Variants in MORC2 observed in about 807,000 individuals in gnomAD.
MORC2 encodes the protein ATPase MORC2.
A neutral mutation model predicts 136.0 loss-of-function variants in MORC2; 30 were observed. That is an observed-to-expected ratio of 0.22 (90% CI 0.17 to 0.30). MORC2 has a LOEUF of 0.30. Ranked by LOEUF, MORC2 falls within the 10% of genes least tolerant of loss-of-function variation. The pLI is 1.00. For synonymous variants in MORC2, 439 were observed against 487.0 expected (o/e 0.90, Z 1.30); for missense variants, 922 against 1,333.1 (o/e 0.69, Z 4.80).
Position 30,934,168 on chromosome 22 carries a change from A to G in MORC2, c.2217T>C (p.Ser739=). 1 of 1,613,668 alleles carries G rather than the reference A, an allele frequency of 6.2e-7. No individual in the cohort carries two copies. Among genetic ancestry groups the G allele is most frequent in the South Asian group, 1.1e-5 (1 of 91,046 alleles). ...CTTCTTCCTCATCAGAAACTGCGACACTCCGCTTCCGACTAGGGGTAGCCT... is the reference window on the plus strand; with the variant it reads ...CTTCTTCCTCATCAGAAACTGCGACGCTCCGCTTCCGACTAGGGGTAGCCT... The part of the protein sequence containing the change: ...LSPATPSRKR[S]VAVSDEEEVE... The change falls in exon 20 of 26, where the codon AGT becomes AGC. Residue 739 remains serine, a synonymous_variant. Coordinates refer to ENST00000397641, the MANE Select transcript of MORC2 (RefSeq NM_001303256.3). The surrounding 1 kb of genome is among the most constrained non-coding windows in gnomAD (Gnocchi z 4.4).
chr22:30,961,038 T>A (rs13056811), intron 1 of MORC2, among the ~76,000 whole-genome samples: 113 of 151,694 alleles, frequency 7.4e-4, no homozygotes, highest in African/African-American at 2.3e-3. Context: ...GCTAATTTTT[T>A]AAAATATTTT....
At position 30,942,116 on chromosome 22, in the gene MORC2, G is replaced by A; in HGVS notation, c.582C>T (p.Asp194=). Residue 194 remains aspartate, a synonymous_variant, in exon 7 of 26, where the codon GAC becomes GAT. Transcript: ENST00000397641. ...ACAGGCTCAAAGCCTACTTACCGCT[G>A]TCCCCAGGAATCTTCATAAACTGGG... The part of the protein sequence containing the change: ...VMTQFMKIPG[D]SGTLVIIFNL... 1 of 1,613,316 alleles carries A rather than the reference G, an allele frequency of 6.2e-7. No homozygotes were observed. Among genetic ancestry groups the A allele is most frequent in the South Asian group, 1.1e-5 (1 of 91,068 alleles).
At chr22:30,963,984 G>A (rs1336568528) in intron 1 of MORC2, among the ~76,000 whole-genome samples, 1 of 152,164 alleles carries the variant, frequency 6.6e-6, no homozygotes, top group Non-Finnish European at 1.5e-5. Context: ...ATATGAGCCT[G>A]CTCAACAGCC....
At position 30,934,876 on chromosome 22, in the gene MORC2, G is replaced by C; in HGVS notation, c.2098C>G (p.Leu700Val). 1 of 1,614,212 alleles carries C rather than the reference G, an allele frequency of 6.2e-7. No individual in the cohort carries two copies. Among genetic ancestry groups the C allele is most frequent in the South Asian group, 1.1e-5 (1 of 91,086 alleles). ...PLVQQLSPSL[L>V]PNSKSPREVP... ...TCCCGAGGGCTCTTGGAGTTGGGCAGTAAAGATGGTGACAGTTGCTGCACC... is the reference window on the plus strand; with the variant it reads ...TCCCGAGGGCTCTTGGAGTTGGGCACTAAAGATGGTGACAGTTGCTGCACC... Residue 700 changes from leucine (L) to valine (V), a missense_variant, in exon 19 of 26, where the codon CTG becomes GTG. Physicochemically the swap from Leu to Val is conservative, Grantham distance 32 (BLOSUM62 1). This residue lies in a region of MORC2 where 184 missense variants were observed against 180.3 expected (regional missense o/e 1.02). Transcript: ENST00000397641. The surrounding 1 kb of genome is among the most constrained non-coding windows in gnomAD (Gnocchi z 4.4).
intron 2 of MORC2, 113 bp downstream of exon 2, chr22:30,958,528 A>G (rs2040998186): frequency 5.7e-6 from 4 of 707,854 alleles, no homozygotes; most frequent in Non-Finnish European, 9.0e-6. Context: ...GGAGTTACAG[A>G]ATGTCTACAT....
rs1602483886 is a variant in MORC2 at position 30,936,656 on chromosome 22, G to C, written c.1605-13C>G. The C allele has an allele frequency of 6.2e-7, 1 of 1,612,386 alleles. No homozygotes were observed. ...AGAAGCCTCACACCTGTAGAGACAA[G>C]GTACTACAGAGGTCGTGGCAAACAG... On this transcript the variant is annotated splice_polypyrimidine_tract_variant and intron_variant, in intron 16 of 25. Transcript: ENST00000397641.
chr22:30,950,419 A>C lies in MORC2; in HGVS notation c.184T>G (p.Phe62Val). Residue 62 changes from phenylalanine to valine, a missense_variant, in exon 4 of 26, where the codon TTT (phenylalanine) becomes GTT (valine). Phe to Val is a conservative substitution (Grantham distance 50). Around this residue, in one of 9 missense-constraint regions of MORC2, gnomAD observed 57 missense variants for 71.8 expected, o/e 0.79. Transcript: ENST00000397641. ...AERREDLRGG[F>V]MLCFLDDGAG... ...CCATCATCCAAAAAGCAAAGCATAA[A>C]TCCTCCTCGAAGGTCCTCTCGTCTT... 1 of 1,612,542 alleles carries C rather than the reference A, an allele frequency of 6.2e-7. No individual in the cohort carries two copies. The highest frequency in any genetic ancestry group is 8.5e-7 in the Non-Finnish European group (1 of 1,179,748).
Position 30,939,528 on chromosome 22 carries a change from C to T in MORC2, c.1073+93G>A, listed in dbSNP as rs2040709110. On this transcript the variant is annotated intron_variant, in intron 12 of 25. Transcript: ENST00000397641. ...ATTTGACAAGCATTTGGCATTAAAA[C>T]AAAGCAGTCTTGGTGACAGAATAGC... 3 of 1,254,614 alleles carry T rather than the reference C, an allele frequency of 2.4e-6. No individual in the cohort carries two copies. In the Admixed American group the frequency reaches 6.3e-5, roughly 26 times the overall value. The allele number at this position is 1,254,614 out of a possible 1,614,324, so 77.7% of individuals were successfully genotyped here. A position where few individuals can be genotyped will look rare whatever the true frequency, so the allele number is the denominator to read the frequency against.
At chr22:30,927,510 G>A (rs183983276) in intron 25 of MORC2, among the ~76,000 whole-genome samples, 18 of 152,302 alleles carry the variant, frequency 1.2e-4, no homozygotes, top group Admixed American at 7.8e-4. Context: ...CCCTAGTCAA[G>A]TGGCCTCCCC....
At chr22:30,958,093 G>A (rs181322502) in intron 2 of MORC2, among the ~76,000 whole-genome samples, 2 of 152,300 alleles carry the variant, frequency 1.3e-5, no homozygotes, top group African/African-American at 4.8e-5. Context: ...GTCTTACACA[G>A]TAACATTTAC....
intron 1 of MORC2, chr22:30,967,354 T>C (rs1157694678): frequency 3.0e-6 from 3 of 987,332 alleles, no homozygotes; most frequent in African/African-American, 3.5e-5. Context: ...TGCCAACTTC[T>C]GAAAAAATAA....
At position 30,941,850 on chromosome 22, in the gene MORC2, C is replaced by T. The variant is rs372299062; in HGVS notation, c.698+41G>A. On this transcript the variant is annotated intron_variant, in intron 8 of 25. Coordinates refer to ENST00000397641, the MANE Select transcript of MORC2 (RefSeq NM_001303256.3). The surrounding 1 kb of genome is among the most constrained non-coding windows in gnomAD (Gnocchi z 4.6). ...TGAAGCCATCTCCTGAGAGCACAAA[C>T]GCCAGTTCCAGGGCCTCCCTCCCTT... is the stretch of plus-strand genomic sequence containing the variant. 15 of 1,511,038 alleles carry T rather than the reference C, an allele frequency of 9.9e-6. 1 individual carries two copies. Among genetic ancestry groups the T allele is most frequent in the South Asian group, 6.8e-5 (6 of 88,862 alleles). The allele number at this position is 1,511,038 out of a possible 1,614,324, so 93.6% of individuals were successfully genotyped here. A position where few individuals can be genotyped will look rare whatever the true frequency, so the allele number is the denominator to read the frequency against.
At chr22:30,960,862 GTTATT>G (rs2041034896) in intron 1 of MORC2, among the ~76,000 whole-genome samples, 4 of 146,090 alleles carry the variant, frequency 2.7e-5, no homozygotes, top group Admixed American at 2.1e-4. Context: ...TGTTGTTGTT[GTTATT>G]TTGTTTTTTT....
In MORC2 at chr22:30,932,584, G is replaced by A; in HGVS notation, c.2708C>T (p.Thr903Ile). 1 of 1,614,194 alleles carries A rather than the reference G, an allele frequency of 6.2e-7. No individual in the cohort carries two copies. Among genetic ancestry groups the A allele is most frequent in the Non-Finnish European group, 8.5e-7 (1 of 1,180,042 alleles). The change falls in exon 23 of 26, where the codon ACC becomes ATC. Residue 903 changes from threonine to isoleucine, a missense_variant. Physicochemically the swap from Thr to Ile is moderately conservative, Grantham distance 89. Transcript: ENST00000397641. This position sits in a 1 kb window ranked among gnomAD's most constrained non-coding sequence, Gnocchi z 4.4. Reference sequence around the variant, plus strand: ...AAGCAGGTCGATGGTCTCGTGATTGGTGCTCAGGGCAGTGGTGTCAGGCTC... The same window carrying A: ...AAGCAGGTCGATGGTCTCGTGATTGATGCTCAGGGCAGTGGTGTCAGGCTC... The part of the protein sequence containing the change: ...RIEPDTTALS[T>I]NHETIDLLVQ...
chr22:30,942,137 C>T lies in MORC2; in HGVS notation c.561G>A (p.Gln187=). 6.2e-7 allele frequency: 1 copy of T among 1,614,016 alleles called. No individual in the cohort carries two copies. Among genetic ancestry groups the T allele is most frequent in the East Asian group, 2.2e-5 (1 of 44,874 alleles). The change falls in exon 7 of 26, where the codon CAG becomes CAA. Residue 187 remains glutamine, a synonymous_variant. Transcript: ENST00000397641. ...CGCTGTCCCCAGGAATCTTCATAAA[C>T]TGGGTCATCACTTCCTCCTCAGTGC... ...PFRTEEEVMT[Q]FMKIPGDSGT... is the part of the protein sequence containing the mutation.
chr22:30,948,403 G>A (rs984174900), intron 5 of MORC2, among the ~76,000 whole-genome samples: 15 of 152,176 alleles, frequency 9.9e-5, no homozygotes, highest in African/African-American at 3.1e-4. Context: ...CATTTCATCT[G>A]TGAAAAACAC....
intron 10 of MORC2, among the ~76,000 whole-genome samples, chr22:30,940,263 G>A (rs763508369): frequency 6.7e-6 from 1 of 149,988 alleles, no homozygotes; most frequent in Non-Finnish European, 1.5e-5. Flanking sequence ...GAGGCCCCAA[G>A]GAAACTTTAC....
chr22:30,951,925 C>T (rs1057021180), intron 3 of MORC2, among the ~76,000 whole-genome samples: 3 of 151,936 alleles, frequency 2.0e-5, no homozygotes, highest in African/African-American at 7.3e-5. Context: ...CCTGCCTCAG[C>T]CTCCAGAGTA....
At chr22:30,961,227 A>G (rs571750547) in intron 1 of MORC2, among the ~76,000 whole-genome samples, 38 of 152,328 alleles carry the variant, frequency 2.5e-4, no homozygotes, top group African/African-American at 9.1e-4. Flanking sequence ...AATTTAAAAA[A>G]AAAATTTAAA....
Sources: gnomAD v4.1 joint callset for allele counts (sites outside exome capture counted in the v4.1 genomes callset) on GRCh38, gnomAD v4.1.1 for gene constraint, gnomAD v4.1.1 regional missense constraint, Gnocchi (gnomAD v3.1) non-coding constraint, MANE v1.5 for transcripts, NCBI Gene and HGNC (gene_info 2026-07-23, HGNC 2026-07-21) for gene names.